The following IKBKE variants were observed in gnomAD, a reference collection of about 807,000 sequenced individuals.
IKBKE encodes the protein inhibitor of nuclear factor kappa B kinase subunit epsilon.
IKBKE carries 45 observed loss-of-function variants against 92.1 expected under a neutral mutation model. That is an observed-to-expected ratio of 0.49 (90% confidence interval 0.38 to 0.63). The LOEUF (loss-of-function observed/expected upper bound fraction) is 0.63, where lower values mean the gene tolerates loss of function less well. IKBKE is among the 20% of genes least tolerant of loss of function. IKBKE has a pLI of 0.00. For missense variants in IKBKE, 700 were observed against 932.8 expected (o/e 0.75, Z 3.25); for synonymous variants, 374 against 380.3 (o/e 0.98, Z 0.19).
Position 206,493,914 on chromosome 1 carries a change from G to A in IKBKE, c.2046-6G>A. 2.5e-6 allele frequency: 4 copies of A among 1,613,704 alleles called. No homozygotes were observed. The highest frequency in any genetic ancestry group is 3.4e-6 in the Non-Finnish European group (4 of 1,179,772). ...CAGCCGCCTCTCCTGCCTCTGCCTT[G>A]GGCAGCATGCAAGAGCTCTGCGAGG... On this transcript the variant is annotated splice_region_variant and splice_polypyrimidine_tract_variant and intron_variant, in intron 20 of 21. Transcript: ENST00000581977.
Position 206,496,290 on chromosome 1 carries a change from A to T in IKBKE, c.*145A>T. 1 of 698,424 alleles carries T rather than the reference A, an allele frequency of 1.4e-6. No homozygotes were observed. Among genetic ancestry groups the T allele is most frequent in the Non-Finnish European group, 2.6e-6 (1 of 386,698 alleles). 43.3% of individuals were successfully genotyped at this position (698,424 alleles called of 1,614,324 possible). A position where few individuals can be genotyped will look rare whatever the true frequency, so the allele number is the denominator to read the frequency against. ...GGCTGCTGGCCAGGATGTCGCCAGCATTACCTTCCACTGCCTTTCTCCCTG... is the reference window on the plus strand; with the variant it reads ...GGCTGCTGGCCAGGATGTCGCCAGCTTTACCTTCCACTGCCTTTCTCCCTG... On this transcript the variant is annotated 3_prime_UTR_variant, in exon 22 of 22. Transcript: ENST00000581977.
chr1:206,482,057 G>A (rs1325322350), intron 13 of IKBKE, among the ~76,000 whole-genome samples: 3 of 152,096 alleles, frequency 2.0e-5, no homozygotes, highest in African/African-American at 7.2e-5. Context: ...GGGATTACAG[G>A]CGTGAGCCAC....
chr1:206,492,774 A>G (rs782650570), intron 18 of IKBKE: 6 of 631,760 alleles, frequency 9.5e-6, no homozygotes, highest in Admixed American at 8.5e-5. Context: ...CCCCAGCCAC[A>G]TGCATGTTGT....
chr1:206,479,998 G>T, intron 11 of IKBKE, 24 bp from the exon 12 acceptor site: 1 of 1,611,700 alleles, frequency 6.2e-7, no homozygotes, highest in Non-Finnish European at 8.5e-7. Flanking sequence ...GTGGGACCTG[G>T]CCCTGTGCAT....
intron 7 of IKBKE, 123 bp from the exon 8 acceptor site, chr1:206,477,626 G>C (rs1572242672): frequency 1.6e-6 from 1 of 627,640 alleles, no homozygotes; most frequent in East Asian, 2.8e-5. Flanking sequence ...CACTCCATCT[G>C]TCAGGCTACT....
At position 206,478,885 on chromosome 1, in the gene IKBKE, C is replaced by T. The variant is rs1397626084; in HGVS notation, c.993-58C>T. 9 of 1,334,476 alleles carry T rather than the reference C, an allele frequency of 6.7e-6. No homozygotes were observed. The African/African-American group carries it at 8.6e-5, about 13-fold the overall frequency. 82.7% of individuals were successfully genotyped at this position (1,334,476 alleles called of 1,614,324 possible). A position where few individuals can be genotyped will look rare whatever the true frequency, so the allele number is the denominator to read the frequency against. On this transcript the variant is annotated intron_variant, in intron 9 of 21. Coordinates refer to ENST00000581977, the MANE Select transcript of IKBKE (RefSeq NM_014002.4). This position sits in a 1 kb window ranked among gnomAD's most constrained non-coding sequence, Gnocchi z 4.8. ...TAGCTGGGGCTTAGGTCACCCTAGCCCCCTGCCTTGCCTACTGACACCCCC... is the reference window on the plus strand; with the variant it reads ...TAGCTGGGGCTTAGGTCACCCTAGCTCCCTGCCTTGCCTACTGACACCCCC...
chr1:206,493,493 G>C (rs188277834), intron 20 of IKBKE, 115 bp downstream of exon 20: 8 of 744,082 alleles, frequency 1.1e-5, no homozygotes, highest in African/African-American at 1.0e-4. Context: ...TAGGAGGCAA[G>C]ATTAAAGAGA....
chr1:206,474,747 AGGCCAGAAGCTG>A, intron 4 of IKBKE, 106 bp from the exon 5 acceptor site: 1 of 1,274,914 alleles, frequency 7.8e-7, no homozygotes, highest in Non-Finnish European at 1.1e-6. Context: ...AGGGAAGGCC[AGGCCAGAAGCTG>A]GGACCTGGAG....
At chr1:206,493,865 T>C (rs1397495537) in intron 20 of IKBKE, 55 bp from the exon 21 acceptor site, 1 of 1,470,780 alleles carries the variant, frequency 6.8e-7, no homozygotes, top group Non-Finnish European at 9.5e-7. Flanking sequence ...AGGAAAAGGG[T>C]CTGGGCAGGG....
At position 206,478,020 on chromosome 1, in the gene IKBKE, C is replaced by A; in HGVS notation, c.813-140C>A. On this transcript the variant is annotated intron_variant, in intron 8 of 21. Transcript: ENST00000581977. The surrounding 1 kb of genome is among the most constrained non-coding windows in gnomAD (Gnocchi z 4.8). ...TGGTTGCTGGAACGAGTTCTTCCAG[C>A]TCTTCCTCCCCAACCCACCCTGCCC... 2 of 827,588 alleles carry A rather than the reference C, an allele frequency of 2.4e-6. No homozygotes were observed. The highest frequency in any genetic ancestry group is 1.9e-6 in the Non-Finnish European group (1 of 517,264). 51.3% of individuals were successfully genotyped at this position (827,588 alleles called of 1,614,324 possible). A position where few individuals can be genotyped will look rare whatever the true frequency, so the allele number is the denominator to read the frequency against.
intron 7 of IKBKE, among the ~76,000 whole-genome samples, chr1:206,477,178 G>C (rs1163308020): frequency 6.6e-6 from 1 of 152,132 alleles, no homozygotes; most frequent in Non-Finnish European, 1.5e-5. Context: ...GCAGCTTCCT[G>C]TTCCCAGGTC....
rs1291119489 is a variant in IKBKE at position 206,493,012 on chromosome 1, G to C, written c.1836-11G>C. The C allele has an allele frequency of 1.3e-6, 2 of 1,558,904 alleles. No individual in the cohort carries two copies. The highest frequency in any genetic ancestry group is 3.9e-5 in the Admixed American group (2 of 51,586). ...CTGCTCTAATTCTAAGTCTCTGTGT[G>C]TTCTCTTGAGGGTGGTGCACGAGAC... On this transcript the variant is annotated splice_polypyrimidine_tract_variant and intron_variant, in intron 18 of 21. Transcript: ENST00000581977.
chr1:206,496,053 G>C, intron 21 of IKBKE, 59 bp from the exon 22 acceptor site: 1 of 1,345,590 alleles, frequency 7.4e-7, no homozygotes, highest in East Asian at 2.3e-5. Context: ...GGGCCCTGGA[G>C]TGTGGTCTGC....
chr1:206,471,637 T>C (rs1379880342), intron 2 of IKBKE, among the ~76,000 whole-genome samples: 1 of 152,166 alleles, frequency 6.6e-6, no homozygotes, highest in Non-Finnish European at 1.5e-5. Flanking sequence ...GCCTCCAGCC[T>C]CAGCGGGGAA....
rs782797055 is a variant in IKBKE at position 206,476,316 on chromosome 1, A to T, written c.494A>T (p.Asp165Val). ...GACTTCGGCGCTGCCCGGGAGCTGGATGATGATGAGAAGTTCGTCTCGGTC... is the reference window on the plus strand; with the variant it reads ...GACTTCGGCGCTGCCCGGGAGCTGGTTGATGATGAGAAGTTCGTCTCGGTC... Reference protein sequence around the residue: ...LTDFGAARELDDDEKFVSVYG... With the variant: ...LTDFGAARELVDDEKFVSVYG... The change falls in exon 6 of 22, where the codon GAT becomes GTT. Residue 165 changes from aspartate (D) to valine (V), a missense_variant. By Grantham distance (152) the Asp-to-Val change is radical. Coordinates refer to ENST00000581977, the MANE Select transcript of IKBKE (RefSeq NM_014002.4). The surrounding 1 kb of genome is among the most constrained non-coding windows in gnomAD (Gnocchi z 5.1). The T allele has an allele frequency of 6.2e-7, 1 of 1,614,000 alleles. No individual in the cohort carries two copies. Among genetic ancestry groups the T allele is most frequent in the Admixed American group, 1.7e-5 (1 of 60,020 alleles).
intron 13 of IKBKE, among the ~76,000 whole-genome samples, chr1:206,484,050 A>G (rs1665527596): frequency 6.6e-6 from 1 of 151,252 alleles, no homozygotes. Flanking sequence ...TTGGCCTCCC[A>G]AAGTGCTGGT....
chr1:206,473,994 C>G (rs567499296), intron 3 of IKBKE, among the ~76,000 whole-genome samples: 1 of 149,832 alleles, frequency 6.7e-6, no homozygotes, highest in East Asian at 2.0e-4. Flanking sequence ...AGAATTGGAG[C>G]CATACAGACC....
In IKBKE at chr1:206,476,378, G is replaced by A. The variant is rs782358744; in HGVS notation, c.540+16G>A. The A allele has an allele frequency of 9.4e-6, 15 of 1,591,282 alleles. No individual in the cohort carries two copies. The highest frequency in any genetic ancestry group is 1.2e-5 in the South Asian group (1 of 86,806). On this transcript the variant is annotated intron_variant, in intron 6 of 21. Transcript: ENST00000581977. This position sits in a 1 kb window ranked among gnomAD's most constrained non-coding sequence, Gnocchi z 5.1. ...GGAGTACCTGGTGGGTGAGCTGCTC[G>A]AGACCCGCTGCCCTATGCTGAGGGC...
Position 206,493,947 on chromosome 1 carries a change from G to A in IKBKE, c.2073G>A (p.Lys691=), listed in dbSNP as rs2103486581. ...LHMQELCEGM[K]LLASDLLDNN... ...TGCAAGAGCTCTGCGAGGGGATGAA[G>A]CTGCTGGCATCTGACCTCCTGGACA... The change falls in exon 21 of 22, where the codon AAG becomes AAA. Residue 691 remains lysine (K), a synonymous_variant. Transcript: ENST00000581977. 2 of 1,614,114 alleles carry A rather than the reference G, an allele frequency of 1.2e-6. No individual in the cohort carries two copies. The highest frequency in any genetic ancestry group is 3.3e-5 in the Admixed American group (2 of 60,032).
Sources: gnomAD v4.1 joint callset for allele counts (sites outside exome capture counted in the v4.1 genomes callset) on GRCh38, gnomAD v4.1.1 for gene constraint, Gnocchi (gnomAD v3.1) non-coding constraint, MANE v1.5 for transcripts, NCBI Gene and HGNC (gene_info 2026-07-23, HGNC 2026-07-21) for gene names.